Variants in MYO3B observed in about 807,000 individuals in gnomAD.
The protein encoded by MYO3B is myosin-IIIb.
MYO3B carries 156 observed loss-of-function variants against 174.6 expected under a neutral mutation model. The ratio of observed to expected loss-of-function variants is 0.89; its 90% CI spans 0.78 to 1.02. The LOEUF (loss-of-function observed/expected upper bound fraction) is 1.02. Among genes scored for constraint, MYO3B ranks in the 50% least tolerant of loss-of-function variants. The probability of loss-of-function intolerance (pLI) is 0.00; values close to 1 mark genes in which losing one functional copy is unlikely to be tolerated. For missense variants in MYO3B, 1,632 were observed against 1,639.4 expected, an observed-to-expected ratio of 1.00 and a Z score of 0.08; for synonymous variants, 563 against 569.1, an observed-to-expected ratio of 0.99 and a Z score of 0.15.
At chr2:170,237,229 G>C (rs1345062776) in intron 7 of MYO3B, among the ~76,000 whole-genome samples, 4 of 152,164 alleles carry the variant, frequency 2.6e-5, no homozygotes. Context: ...GAATGCAGGA[G>C]CTAAAAGCTG....
chr2:170,517,160 G>A (rs914570028), intron 29 of MYO3B, among the ~76,000 whole-genome samples: 3 of 152,198 alleles, frequency 2.0e-5, no homozygotes, highest in African/African-American at 7.2e-5. Context: ...CAGCAAAGCT[G>A]GGGGATGGAG....
At chr2:170,617,082 G>A (rs191869965) in intron 32 of MYO3B, among the ~76,000 whole-genome samples, 11 of 152,218 alleles carry the variant, frequency 7.2e-5, no homozygotes, top group African/African-American at 2.4e-4. Context: ...TTCCACATCC[G>A]AGTAGAATTT....
intron 25 of MYO3B, among the ~76,000 whole-genome samples, chr2:170,480,041 G>GTATA (rs57069590): frequency 0.084 from 12,258 of 146,258 alleles, 604 homozygotes; most frequent in Admixed American, 0.16. Context: ...GTGTGTGTGT[G>GTATA]TATATATATA....
intron 7 of MYO3B, among the ~76,000 whole-genome samples, chr2:170,283,965 A>G (rs934993172): frequency 3.3e-5 from 5 of 152,232 alleles, no homozygotes; most frequent in Admixed American, 1.3e-4. Context: ...CAGTTTTCCA[A>G]GAATCCCTTT....
chr2:170,626,735 C>T (rs1696472533), intron 32 of MYO3B, among the ~76,000 whole-genome samples: 1 of 152,190 alleles, frequency 6.6e-6, no homozygotes, highest in Non-Finnish European at 1.5e-5. Flanking sequence ...TCTTGTAGGG[C>T]AGGCCTGGTG....
In MYO3B at chr2:170,328,611, A is replaced by G. The variant is rs375046058; in HGVS notation, c.750-6774A>G. On this transcript the variant is annotated intron_variant, in intron 7 of 34. Coordinates refer to ENST00000408978, the MANE Select transcript of MYO3B (RefSeq NM_138995.5). ...AGATATTTTAAAAGTTTGAAATCCC[A>G]TATGACATGTGGCATATGTAAGCCA... Among the ~76,000 whole-genome samples the G allele has an allele frequency of 1.2e-4, 19 of 152,304 alleles. No homozygotes were observed. The East Asian group carries it at 3.5e-3, about 28-fold the overall frequency.
chr2:170,271,506 A>C (rs572267880), intron 7 of MYO3B, among the ~76,000 whole-genome samples: 2 of 152,326 alleles, frequency 1.3e-5, no homozygotes, highest in South Asian at 4.1e-4. Flanking sequence ...GTGGCCTACC[A>C]AAGTTGATAC....
intron 32 of MYO3B, among the ~76,000 whole-genome samples, chr2:170,577,922 C>G (rs1049321425): frequency 6.6e-6 from 1 of 152,166 alleles, no homozygotes; most frequent in Non-Finnish European, 1.5e-5. Context: ...AGATTTTGCT[C>G]AAACTGCAAA....
chr2:170,332,847 A>G (rs554124403), intron 7 of MYO3B, among the ~76,000 whole-genome samples: 1 of 152,232 alleles, frequency 6.6e-6, no homozygotes, highest in East Asian at 1.9e-4. Context: ...AGGAGGGTAC[A>G]TTGTTCTCTA....
At chr2:170,297,543 T>C (rs2093636754) in intron 7 of MYO3B, among the ~76,000 whole-genome samples, 1 of 152,198 alleles carries the variant, frequency 6.6e-6, no homozygotes. Context: ...AAGGAATTAA[T>C]TTACTGACTG....
intron 25 of MYO3B, among the ~76,000 whole-genome samples, chr2:170,472,721 A>G (rs1020406639): frequency 8.6e-6 from 1 of 115,734 alleles, no homozygotes; most frequent in Admixed American, 9.1e-5. Flanking sequence ...ATTTATTTTG[A>G]GACAGGGTCT....
At chr2:170,465,440 T>A (rs1210475235) in intron 24 of MYO3B, among the ~76,000 whole-genome samples, 1 of 152,174 alleles carries the variant, frequency 6.6e-6, no homozygotes, top group Non-Finnish European at 1.5e-5. Context: ...AAGCCATTCA[T>A]GAGGAATTTG....
Position 170,483,375 on chromosome 2 carries a change from C to CTTTTTTTTTTTTT in MYO3B, c.3015-15200_3015-15188dup, listed in dbSNP as rs61527598. ...AATTAAAACTCCTTGCTTGGGGATT[C>CTTTTTTTTTTTTT]TTTTTTTTTTTTTTTTTTTTTTTTT... On this transcript the variant is annotated intron_variant, in intron 25 of 34. Coordinates refer to ENST00000408978, the MANE Select transcript of MYO3B (RefSeq NM_138995.5). Among the ~76,000 whole-genome samples the CTTTTTTTTTTTTT allele has an allele frequency of 1.0e-3, 62 of 62,102 alleles. 7 individuals carry two copies. The highest frequency in any genetic ancestry group is 1.5e-3 in the Non-Finnish European group (53 of 34,700). 40.7% of individuals were successfully genotyped at this position (62,102 alleles called of 152,430 possible). A position where few individuals can be genotyped will look rare whatever the true frequency, so the allele number is the denominator to read the frequency against.
intron 25 of MYO3B, among the ~76,000 whole-genome samples, chr2:170,470,050 C>T (rs1460128583): frequency 7.5e-6 from 1 of 133,990 alleles, no homozygotes; most frequent in East Asian, 2.4e-4. Flanking sequence ...TGTAGTGAGC[C>T]GAGATCGTGC....
At chr2:170,356,748 GT>G (rs1177556645) in intron 8 of MYO3B, among the ~76,000 whole-genome samples, 1 of 152,040 alleles carries the variant, frequency 6.6e-6, no homozygotes, top group Non-Finnish European at 1.5e-5. Flanking sequence ...CAAATTGCTG[GT>G]CTGTTTTATT....
At chr2:170,574,247 CT>C (rs1692645276) in intron 32 of MYO3B, among the ~76,000 whole-genome samples, 2 of 152,184 alleles carry the variant, frequency 1.3e-5, no homozygotes, top group African/African-American at 4.8e-5. Flanking sequence ...TCTCATTAAC[CT>C]TTGTCAGATT....
intron 32 of MYO3B, among the ~76,000 whole-genome samples, chr2:170,556,679 G>C (rs955143500): frequency 6.6e-6 from 1 of 152,096 alleles, no homozygotes; most frequent in East Asian, 1.9e-4. Flanking sequence ...GTGTCACCAC[G>C]TCTGGCTAAT....
intron 7 of MYO3B, among the ~76,000 whole-genome samples, chr2:170,244,793 T>C (rs1447519160): frequency 6.6e-6 from 1 of 152,230 alleles, no homozygotes; most frequent in African/African-American, 2.4e-5. Flanking sequence ...TTGGTGTTAA[T>C]TTGAGACTGG....
chr2:170,602,317 T>C (rs1266064264), intron 32 of MYO3B: 1 of 687,150 alleles, frequency 1.5e-6, no homozygotes, highest in East Asian at 2.5e-5. Flanking sequence ...TGGAGCTCAA[T>C]GTACTGCAGT....
Sources: gnomAD v4.1 joint callset for allele counts (sites outside exome capture counted in the v4.1 genomes callset) on GRCh38, gnomAD v4.1.1 for gene constraint, MANE v1.5 for transcripts, NCBI Gene and HGNC (gene_info 2026-07-23, HGNC 2026-07-21) for gene names.